PTPRD: variants seen among roughly 807,000 people sequenced by gnomAD.
PTPRD encodes the protein receptor-type tyrosine-protein phosphatase delta.
PTPRD carries 34 observed loss-of-function variants against 214.5 expected under a neutral mutation model. The ratio of observed to expected loss-of-function variants is 0.16; its 90% CI spans 0.12 to 0.21. PTPRD has a LOEUF of 0.21. Among genes scored for constraint, PTPRD ranks in the 10% least tolerant of loss-of-function variants. The probability of loss-of-function intolerance (pLI) is 1.00; values close to 1 mark genes in which losing one functional copy is unlikely to be tolerated. For missense variants in PTPRD, 2,545 were observed against 2,398.7 expected (o/e 1.06, Z -1.27); for synonymous variants, 1,128 against 845.7 (o/e 1.33, Z -5.79).
intron 3 of PTPRD, among the ~76,000 whole-genome samples, chr9:10,230,967 G>C (rs995247145): frequency 1.7e-4 from 26 of 151,928 alleles, no homozygotes; most frequent in African/African-American, 5.6e-4. Context: ...TCTACTTGAA[G>C]TTCCTTTGGG....
chr9:10,533,428 T>C (rs535522670), intron 2 of PTPRD, among the ~76,000 whole-genome samples: 1 of 152,114 alleles, frequency 6.6e-6, no homozygotes, highest in Non-Finnish European at 1.5e-5. Flanking sequence ...AGAAAATTCT[T>C]TGGAGATGAA....
At chr9:10,363,286 T>G (rs2154472099) in intron 2 of PTPRD, among the ~76,000 whole-genome samples, 1 of 152,356 alleles carries the variant, frequency 6.6e-6, no homozygotes, top group South Asian at 2.1e-4. Context: ...ACTCTTTGAG[T>G]ATCAAAGTCT....
chr9:9,040,434 A>G (rs1401385043), intron 10 of PTPRD, among the ~76,000 whole-genome samples: 2 of 152,182 alleles, frequency 1.3e-5, no homozygotes, highest in East Asian at 1.9e-4. Flanking sequence ...TAGAGATTTT[A>G]AAGGTGTAGA....
intron 3 of PTPRD, among the ~76,000 whole-genome samples, chr9:10,184,201 G>A (rs1320885056): frequency 6.6e-6 from 1 of 152,120 alleles, no homozygotes; most frequent in African/African-American, 2.4e-5. Flanking sequence ...GAGGTGGGCA[G>A]ATTACTTGAT....
intron 9 of PTPRD, among the ~76,000 whole-genome samples, chr9:9,345,321 C>T (rs554650419): frequency 5.9e-5 from 9 of 152,144 alleles, no homozygotes; most frequent in African/African-American, 1.9e-4. Flanking sequence ...TTCTGCAAGT[C>T]TCTCTTCAGA....
intron 9 of PTPRD, among the ~76,000 whole-genome samples, chr9:9,314,194 C>T (rs546928554): frequency 3.0e-4 from 46 of 152,116 alleles, no homozygotes; most frequent in South Asian, 2.7e-3. Flanking sequence ...TTATTGTATA[C>T]GCCTCCTGGA....
At chr9:9,529,455 C>T (rs828821) in intron 8 of PTPRD, among the ~76,000 whole-genome samples, 46,964 of 151,800 alleles carry the variant, frequency 0.31, 7,494 homozygotes, top group Non-Finnish European at 0.34. Flanking sequence ...AGAAACTTAA[C>T]TAAACATGTT....
At chr9:9,972,013 C>G (rs1287349613) in intron 4 of PTPRD, among the ~76,000 whole-genome samples, 1 of 152,052 alleles carries the variant, frequency 6.6e-6, no homozygotes, top group Non-Finnish European at 1.5e-5. Context: ...AAGTTCTTCA[C>G]TTTAAAAAGT....
chr9:9,848,056 A>C (rs2059880421), intron 5 of PTPRD, among the ~76,000 whole-genome samples: 1 of 152,156 alleles, frequency 6.6e-6, no homozygotes, highest in Non-Finnish European at 1.5e-5. Flanking sequence ...TGAATAAGTC[A>C]GATGAGCTGA....
chr9:10,244,669 C>A (rs1206566655), intron 3 of PTPRD, among the ~76,000 whole-genome samples: 1 of 152,068 alleles, frequency 6.6e-6, no homozygotes, highest in African/African-American at 2.4e-5. Flanking sequence ...TCTCATAGAG[C>A]CCCTCTTGAA....
intron 7 of PTPRD, among the ~76,000 whole-genome samples, chr9:9,712,812 T>C (rs1419581645): frequency 6.6e-6 from 1 of 152,212 alleles, no homozygotes; most frequent in African/African-American, 2.4e-5. Flanking sequence ...TAGTTTATTA[T>C]CTAGCATAGC....
chr9:9,493,336 C>T (rs1048078515), intron 8 of PTPRD, among the ~76,000 whole-genome samples: 14 of 152,072 alleles, frequency 9.2e-5, no homozygotes, highest in Non-Finnish European at 2.1e-4. Context: ...AGATTTCTTT[C>T]CAAATATTCT....
intron 10 of PTPRD, among the ~76,000 whole-genome samples, chr9:9,035,621 A>G (rs1170293674): frequency 6.6e-6 from 1 of 151,944 alleles, no homozygotes; most frequent in African/African-American, 2.4e-5. Context: ...GGTCACCTCA[A>G]TTACCAGGTA....
intron 10 of PTPRD, among the ~76,000 whole-genome samples, chr9:9,042,390 G>A (rs115195139): frequency 0.034 from 5,237 of 152,196 alleles, 133 homozygotes; most frequent in African/African-American, 0.063. Context: ...CTGGGATCAC[G>A]TGCCAGGAGG....
intron 3 of PTPRD, among the ~76,000 whole-genome samples, chr9:10,146,406 A>C (rs1163984313): frequency 1.3e-5 from 2 of 152,100 alleles, no homozygotes; most frequent in African/African-American, 4.8e-5. Context: ...AGGGAGAGAG[A>C]CAAGTAATAA....
chr9:8,890,759 G>A (rs148177337), intron 11 of PTPRD, among the ~76,000 whole-genome samples: 9 of 152,110 alleles, frequency 5.9e-5, no homozygotes, highest in Non-Finnish European at 8.8e-5. Flanking sequence ...TATTTATACA[G>A]TACATCTATT....
intron 8 of PTPRD, among the ~76,000 whole-genome samples, chr9:9,398,945 A>G (rs2069031924): frequency 6.6e-6 from 1 of 152,038 alleles, no homozygotes; most frequent in Non-Finnish European, 1.5e-5. Context: ...ATGCTAGATC[A>G]GACTCTGCCT....
chr9:8,696,243 T>G (rs2097909003), intron 12 of PTPRD, among the ~76,000 whole-genome samples: 1 of 152,106 alleles, frequency 6.6e-6, no homozygotes, highest in Non-Finnish European at 1.5e-5. Flanking sequence ...ATTCTTGCTT[T>G]CCAACAGATT....
At chr9:9,210,064 A>C (rs1351355593) in intron 9 of PTPRD, among the ~76,000 whole-genome samples, 1 of 152,146 alleles carries the variant, frequency 6.6e-6, no homozygotes, top group African/African-American at 2.4e-5. Flanking sequence ...CCTTTGCCCC[A>C]GCGGAAAATG....
Sources: gnomAD v4.1 joint callset for allele counts (sites outside exome capture counted in the v4.1 genomes callset) on GRCh38, gnomAD v4.1.1 for gene constraint, MANE v1.5 for transcripts, NCBI Gene and HGNC (gene_info 2026-07-23, HGNC 2026-07-21) for gene names.